Variants in VNN1 observed in about 807,000 individuals in gnomAD.
The protein encoded by VNN1 is pantetheinase.
In VNN1, 29 loss-of-function variants were observed where a neutral mutation model predicts 41.9. That is an observed-to-expected ratio of 0.69 (90% confidence interval 0.52 to 0.94). VNN1 has a LOEUF of 0.94. VNN1 is among the 40% of genes least tolerant of loss of function. The probability of loss-of-function intolerance (pLI) is 0.00; values close to 1 mark genes in which losing one functional copy is unlikely to be tolerated. For synonymous variants in VNN1, 233 were observed against 224.4 expected (o/e 1.04, Z -0.34); for missense variants, 637 against 621.1 (o/e 1.03, Z -0.27).
chr6:132,688,493 A>G (rs1037896094), intron 5 of VNN1, among the ~76,000 whole-genome samples: 15 of 152,310 alleles, frequency 9.8e-5, no homozygotes, highest in Non-Finnish European at 1.9e-4. Flanking sequence ...AGAACTTCCC[A>G]CAACTCTCTT....
intron 2 of VNN1, 98 bp from the exon 3 acceptor site, chr6:132,694,280 A>C: frequency 8.6e-7 from 1 of 1,161,976 alleles, no homozygotes; most frequent in Non-Finnish European, 1.2e-6. Context: ...TATTTGATAT[A>C]TGCAAAAGTA....
At chr6:132,690,448 C>T (rs1278524900) in intron 5 of VNN1, among the ~76,000 whole-genome samples, 1 of 152,214 alleles carries the variant, frequency 6.6e-6, no homozygotes, top group East Asian at 1.9e-4. Flanking sequence ...AAAGAATCCC[C>T]TCCTACTCTT....
At chr6:132,705,216 A>G (rs1778502716) in intron 2 of VNN1, among the ~76,000 whole-genome samples, 1 of 152,118 alleles carries the variant, frequency 6.6e-6, no homozygotes, top group Non-Finnish European at 1.5e-5. Flanking sequence ...GCAAAGACAC[A>G]TAAAAAAGAA....
At chr6:132,699,153 A>G in intron 2 of VNN1, 1 of 367,826 alleles carries the variant, frequency 2.7e-6, no homozygotes, top group South Asian at 2.6e-5. Context: ...CAAATAGGTG[A>G]ATATAGGTTC....
rs773805567 is a variant in VNN1, at chr6:132,693,047, T to C, written c.803A>G (p.His268Arg). 1.2e-6 allele frequency: 2 copies of C among 1,612,188 alleles called. No homozygotes were observed. The highest frequency in any genetic ancestry group is 3.3e-5 in the Admixed American group (2 of 59,902). The change falls in exon 4 of 7, where the codon CAT (histidine) becomes CGT (arginine). Residue 268 changes from histidine to arginine, a missense_variant. His to Arg is a conservative substitution (Grantham distance 29). Transcript: ENST00000367928. The stretch of plus-strand genomic sequence containing the variant: ...ACCTGTCATTTTCTTTGAGGGGTAA[T>C]GTATGTTGGATGCAAGGAAATTGAC... ...MRVNFLASNI[H>R]YPSKKMTGSG...
At chr6:132,708,886 G>A (rs997042016) in intron 2 of VNN1, among the ~76,000 whole-genome samples, 1 of 152,004 alleles carries the variant, frequency 6.6e-6, no homozygotes, top group African/African-American at 2.4e-5. Flanking sequence ...TCACATCACT[G>A]TAACCACACT....
At chr6:132,689,150 T>G (rs1224151310) in intron 5 of VNN1, among the ~76,000 whole-genome samples, 3 of 152,134 alleles carry the variant, frequency 2.0e-5, no homozygotes, top group African/African-American at 7.2e-5. Context: ...CCTCCCAAAG[T>G]GCTGGGATTA....
chr6:132,691,350 G>A (rs1341242854), intron 5 of VNN1, among the ~76,000 whole-genome samples: 6 of 152,026 alleles, frequency 3.9e-5, no homozygotes, highest in Non-Finnish European at 7.4e-5. Context: ...ATAAGATGGG[G>A]GCCAGACCAA....
intron 2 of VNN1, among the ~76,000 whole-genome samples, chr6:132,697,618 A>T (rs1180334015): frequency 6.6e-6 from 1 of 151,772 alleles, no homozygotes; most frequent in Non-Finnish European, 1.5e-5. Context: ...GAAGGCTGAG[A>T]TAACTGTTGT....
chr6:132,688,715 A>C (rs1778239076), intron 5 of VNN1, among the ~76,000 whole-genome samples: 1 of 152,210 alleles, frequency 6.6e-6, no homozygotes, highest in South Asian at 2.1e-4. Context: ...ATAAGGCTAT[A>C]TATGTTAATA....
chr6:132,693,345 A>C, intron 3 of VNN1, 30 bp from the exon 4 acceptor site: 2 of 1,552,504 alleles, frequency 1.3e-6, no homozygotes, highest in Non-Finnish European at 1.7e-6. Flanking sequence ...AAGAGAAAAA[A>C]ATTATTTTAG....
chr6:132,699,822 A>G (rs915338740), intron 2 of VNN1, among the ~76,000 whole-genome samples: 4 of 152,350 alleles, frequency 2.6e-5, no homozygotes, highest in African/African-American at 9.6e-5. Flanking sequence ...CTTTCAGTTA[A>G]TATTTGAAGG....
At chr6:132,701,770 T>A (rs1450219964) in intron 2 of VNN1, among the ~76,000 whole-genome samples, 1 of 152,134 alleles carries the variant, frequency 6.6e-6, no homozygotes, top group Non-Finnish European at 1.5e-5. Context: ...AGAAAGAAAG[T>A]CTTTAATTGC....
intron 2 of VNN1, chr6:132,699,368 C>A (rs1029214362): frequency 5.6e-6 from 1 of 179,942 alleles, no homozygotes; most frequent in South Asian, 1.1e-4. Context: ...ACTTTGGAGT[C>A]TAAATCAAAG....
chr6:132,692,113 C>A, intron 5 of VNN1, 110 bp downstream of exon 5: 1 of 1,254,342 alleles, frequency 8.0e-7, no homozygotes, highest in Non-Finnish European at 1.0e-6. Flanking sequence ...CATAAATCCC[C>A]AAAAGTGTGA....
chr6:132,711,582 G>A, intron 2 of VNN1, 127 bp downstream of exon 2: 17 of 1,095,348 alleles, frequency 1.6e-5, no homozygotes, highest in Non-Finnish European at 2.1e-5. Context: ...ACCCATAGTA[G>A]ATGAAAAATA....
intron 2 of VNN1, among the ~76,000 whole-genome samples, chr6:132,708,873 C>T (rs567261985): frequency 2.6e-5 from 4 of 152,186 alleles, no homozygotes; most frequent in Non-Finnish European, 4.4e-5. Flanking sequence ...TTCTCCTCTT[C>T]TGTCACATCA....
rs780473768 is a variant in VNN1 at position 132,694,013 on chromosome 6, T to G, written c.511A>C (p.Lys171Gln). 1.2e-6 allele frequency: 2 copies of G among 1,614,216 alleles called. No homozygotes were observed. The highest frequency in any genetic ancestry group is 1.7e-6 in the Non-Finnish European group (2 of 1,180,014). ...ACCTTATGGTAGCGTGCCACCAGTT[T>G]TCCTTGAGAATCAAATACCACATCA... is the stretch of plus-strand genomic sequence containing the variant. ...NTDVVFDSQG[K>Q]LVARYHKQNL... Residue 171 changes from lysine (K) to glutamine (Q), a missense_variant, in exon 3 of 7, where the codon AAA becomes CAA. Lys to Gln is a moderately conservative substitution (Grantham distance 53). Transcript: ENST00000367928.
intron 2 of VNN1, chr6:132,699,677 A>T (rs1157759077): frequency 6.4e-6 from 1 of 155,330 alleles, no homozygotes; most frequent in Non-Finnish European, 1.5e-5. Flanking sequence ...TAATTGGTAA[A>T]TTTGGTTCAT....
Sources: gnomAD v4.1 joint callset for allele counts (sites outside exome capture counted in the v4.1 genomes callset) on GRCh38, gnomAD v4.1.1 for gene constraint, MANE v1.5 for transcripts, NCBI Gene and HGNC (gene_info 2026-07-23, HGNC 2026-07-21) for gene names.